The following IL20RB variants were observed in gnomAD, a reference collection of about 807,000 sequenced individuals.
IL20RB encodes interleukin-20 receptor subunit beta.
A neutral mutation model predicts 33.3 loss-of-function variants in IL20RB; 21 were observed. That is an observed-to-expected ratio of 0.63 (90% CI 0.45 to 0.91). The LOEUF is 0.91. Ranked by LOEUF, IL20RB falls within the 40% of genes least tolerant of loss-of-function variation. IL20RB has a pLI of 0.00. For missense variants in IL20RB, 345 were observed against 384.8 expected (o/e 0.90, Z 0.86); for synonymous variants, 147 against 146.8 (o/e 1.00, Z -0.01).
rs1425632116 is a variant in IL20RB, at chr3:136,966,414, T to C, written c.88+8213T>C. Reference sequence around the variant, plus strand: ...ATTCAGAGATTCAACTTCTTCCTGGTTTAGTCTTGGGAGAGTGTATGTGTC... The same window carrying C: ...ATTCAGAGATTCAACTTCTTCCTGGCTTAGTCTTGGGAGAGTGTATGTGTC... On this transcript the variant is annotated intron_variant, in intron 1 of 6. Transcript: ENST00000329582. Among the ~76,000 whole-genome samples the C allele has an allele frequency of 2.5e-5, 2 of 81,564 alleles. 1 individual carries two copies. The highest frequency in any genetic ancestry group is 1.1e-4 in the African/African-American group (2 of 18,968). 53.5% of individuals were successfully genotyped at this position (81,564 alleles called of 152,430 possible).
chr3:136,973,221 C>A (rs1941531871), intron 1 of IL20RB, among the ~76,000 whole-genome samples: 4 of 152,114 alleles, frequency 2.6e-5, no homozygotes, highest in Admixed American at 2.6e-4. Context: ...GTGTCTCACG[C>A]CTGTAATCCC....
At chr3:136,987,166 C>T (rs1350952319) in intron 3 of IL20RB, among the ~76,000 whole-genome samples, 1 of 152,058 alleles carries the variant, frequency 6.6e-6, no homozygotes, top group Non-Finnish European at 1.5e-5. Context: ...TGCTTTTATT[C>T]TCTTATCTGG....
chr3:136,960,229 T>C (rs898329984), intron 1 of IL20RB, among the ~76,000 whole-genome samples: 2 of 131,582 alleles, frequency 1.5e-5, no homozygotes, highest in African/African-American at 2.8e-5. Flanking sequence ...CTCACTGCAA[T>C]CTCCACCACC....
chr3:136,959,216 C>T (rs1480083599), intron 1 of IL20RB: 1 of 152,192 alleles, frequency 6.6e-6, no homozygotes, highest in African/African-American at 2.4e-5. Context: ...TCCTTGAAAA[C>T]GAATATGGAC....
chr3:137,005,096 T>C (rs1019013059), intron 6 of IL20RB, among the ~76,000 whole-genome samples: 6 of 152,180 alleles, frequency 3.9e-5, no homozygotes, highest in Admixed American at 3.9e-4. Flanking sequence ...TTTCTTAATC[T>C]TGAGTTCTAA....
At chr3:136,992,257 C>G (rs1420196203) in intron 5 of IL20RB, among the ~76,000 whole-genome samples, 169 bp downstream of exon 5, 1 of 152,222 alleles carries the variant, frequency 6.6e-6, no homozygotes, top group East Asian at 1.9e-4. Context: ...GAATCTGATT[C>G]CCCTAGAGGC....
At chr3:136,966,020 C>T (rs1333539477) in intron 1 of IL20RB, among the ~76,000 whole-genome samples, 1 of 99,802 alleles carries the variant, frequency 1.0e-5, no homozygotes, top group Non-Finnish European at 1.9e-5. Flanking sequence ...GTATATTGAA[C>T]CAGCCTTGCA....
At position 137,010,472 on chromosome 3, in the gene IL20RB, A is replaced by T. The variant is rs1933067742; in HGVS notation, c.*249A>T. The T allele has an allele frequency of 2.4e-6, 1 of 419,982 alleles. No homozygotes were observed. The highest frequency in any genetic ancestry group is 4.3e-6 in the Non-Finnish European group (1 of 233,530). The allele number at this position is 419,982 out of a possible 1,614,324, so 26.0% of individuals were successfully genotyped here. A position where few individuals can be genotyped will look rare whatever the true frequency, so the allele number is the denominator to read the frequency against. Reference sequence around the variant, plus strand: ...CTTGCTGGCTGAGCAACCCTGGGAAAAGTGACTTCATCCCTTCGGTCCTAA... The same window carrying T: ...CTTGCTGGCTGAGCAACCCTGGGAATAGTGACTTCATCCCTTCGGTCCTAA... On this transcript the variant is annotated 3_prime_UTR_variant, in exon 7 of 7. Transcript: ENST00000329582.
chr3:136,995,393 G>A (rs1456299274), intron 5 of IL20RB, 21 bp from the exon 6 acceptor site: 1 of 1,613,000 alleles, frequency 6.2e-7, no homozygotes, highest in African/African-American at 1.3e-5. Flanking sequence ...TTCTAAGCCT[G>A]TTTTTATCTT....
intron 1 of IL20RB, among the ~76,000 whole-genome samples, chr3:136,977,939 T>C (rs1941667115): frequency 6.6e-6 from 1 of 152,182 alleles, no homozygotes; most frequent in African/African-American, 2.4e-5. Flanking sequence ...CTATATTTCT[T>C]TTACTTATTT....
At position 136,995,418 on chromosome 3, in the gene IL20RB, G is replaced by T. The variant is rs1194687891; in HGVS notation, c.687G>T (p.Glu229Asp). The T allele has an allele frequency of 1.2e-6, 2 of 1,613,898 alleles. No individual in the cohort carries two copies. The highest frequency in any genetic ancestry group is 2.2e-5 in the East Asian group (1 of 44,890). Residue 229 changes from glutamate (E) to aspartate (D), a missense_variant, in exon 6 of 7, where the codon GAG (glutamate) becomes GAT (aspartate). Transcript: ENST00000329582. ...GTTTTTATCTTTTGTTTCCAGGAGA[G>T]GCCATTCCCCTGGTACTGGCCCTGT... ...SQTECVEVQGEAIPLVLALFA... is the reference protein window; with the variant it reads ...SQTECVEVQGDAIPLVLALFA...
intron 5 of IL20RB, among the ~76,000 whole-genome samples, chr3:136,994,129 G>A (rs1464861619): frequency 6.6e-6 from 1 of 152,006 alleles, no homozygotes; most frequent in Non-Finnish European, 1.5e-5. Flanking sequence ...TTAGTTTTTG[G>A]AATTAAAATT....
rs1260141294 is a variant in IL20RB, at chr3:136,966,402, A to G, written c.88+8201A>G. ...TGTTATTGGTCTATTCAGAGATTCA[A>G]CTTCTTCCTGGTTTAGTCTTGGGAG... is the stretch of plus-strand genomic sequence containing the variant. On this transcript the variant is annotated intron_variant, in intron 1 of 6. Transcript: ENST00000329582. Among the ~76,000 whole-genome samples the G allele has an allele frequency of 6.3e-5, 5 of 79,418 alleles. 1 individual carries two copies. The highest frequency in any genetic ancestry group is 9.6e-5 in the Non-Finnish European group (4 of 41,584). The allele number at this position is 79,418 out of a possible 152,430, so 52.1% of individuals were successfully genotyped here. A position where few individuals can be genotyped will look rare whatever the true frequency, so the allele number is the denominator to read the frequency against.
chr3:136,981,115 A>G (rs1941762161), intron 2 of IL20RB, among the ~76,000 whole-genome samples: 1 of 152,210 alleles, frequency 6.6e-6, no homozygotes, highest in African/African-American at 2.4e-5. Context: ...CTGAACACCT[A>G]CATGTGTAGA....
intron 1 of IL20RB, among the ~76,000 whole-genome samples, chr3:136,958,408 T>C (rs1282366775): frequency 6.6e-6 from 1 of 152,210 alleles, no homozygotes; most frequent in Non-Finnish European, 1.5e-5. Flanking sequence ...CTTCTTAATG[T>C]CCACACAACA....
At chr3:136,982,554 T>A (rs361238) in intron 3 of IL20RB, among the ~76,000 whole-genome samples, 3 of 152,000 alleles carry the variant, frequency 2.0e-5, no homozygotes, top group Non-Finnish European at 2.9e-5. Flanking sequence ...CTTTGACTAC[T>A]CAAGTCATTC....
chr3:136,977,683 G>A (rs1355575821), intron 1 of IL20RB, among the ~76,000 whole-genome samples: 2 of 151,960 alleles, frequency 1.3e-5, no homozygotes, highest in East Asian at 1.9e-4. Context: ...GCACTACCAC[G>A]CCCAGCTAAT....
intron 4 of IL20RB, among the ~76,000 whole-genome samples, chr3:136,990,459 T>C (rs1445191258): frequency 3.3e-5 from 5 of 152,104 alleles, no homozygotes; most frequent in Non-Finnish European, 7.4e-5. Flanking sequence ...CAGGCTGTGA[T>C]CCCTCATCAA....
At chr3:136,998,750 T>C (rs1020491451) in intron 6 of IL20RB, among the ~76,000 whole-genome samples, 2 of 152,110 alleles carry the variant, frequency 1.3e-5, no homozygotes, top group African/African-American at 4.8e-5. Context: ...CTGGAACTCC[T>C]GGGCTTAAAC....
Sources: allele counts gnomAD v4.1 joint callset (sites outside exome capture counted in the v4.1 genomes callset), GRCh38; gene constraint gnomAD v4.1.1; transcripts MANE v1.5; gene names NCBI Gene and HGNC (gene_info 2026-07-23, HGNC 2026-07-21).